RAD54L2: variants seen among roughly 807,000 people sequenced by gnomAD.
RAD54L2 encodes RAD54 like 2.
A neutral mutation model predicts 138.4 loss-of-function variants in RAD54L2; 27 were observed. The observed-to-expected ratio is 0.20, with a 90% confidence interval of 0.14 to 0.27. The LOEUF (loss-of-function observed/expected upper bound fraction) is 0.27, where lower values mean the gene tolerates loss of function less well. Ranked by LOEUF, RAD54L2 falls within the 10% of genes least tolerant of loss-of-function variation. RAD54L2 has a pLI of 1.00. For missense variants in RAD54L2, 1,396 were observed against 1,890.2 expected, an observed-to-expected ratio of 0.74 and a Z score of 4.85; for synonymous variants, 644 against 723.2, an observed-to-expected ratio of 0.89 and a Z score of 1.76.
chr3:51,643,325 G>A (rs922837046), intron 15 of RAD54L2, among the ~76,000 whole-genome samples: 1 of 152,238 alleles, frequency 6.6e-6, no homozygotes. Context: ...GAGCCACTGT[G>A]CCCGGCCCTA....
chr3:51,622,366 G>C (rs1420968167), intron 3 of RAD54L2, among the ~76,000 whole-genome samples: 1 of 152,124 alleles, frequency 6.6e-6, no homozygotes, highest in Non-Finnish European at 1.5e-5. Flanking sequence ...GAGGCTTTTT[G>C]TAATAGGCCT....
intron 3 of RAD54L2, among the ~76,000 whole-genome samples, chr3:51,597,207 C>T (rs1699981545): frequency 6.8e-6 from 1 of 147,510 alleles, no homozygotes; most frequent in African/African-American, 2.5e-5. Context: ...AAACCTAGGG[C>T]TTTTCTCAAG....
intron 19 of RAD54L2, among the ~76,000 whole-genome samples, chr3:51,648,831 C>T (rs1701353890): frequency 6.6e-6 from 1 of 152,078 alleles, no homozygotes; most frequent in South Asian, 2.1e-4. Context: ...TAGATAAAAC[C>T]ACAAAGATGG....
rs746516690 is a variant in RAD54L2 at position 51,656,145 on chromosome 3, T to C, written c.3201T>C (p.Leu1067=). ...PINYLQRAGV[L]VQKVVTTTDI... is the part of the protein sequence containing the mutation. ...ACTACTTGCAGCGTGCAGGAGTCCT[T>C]GTGCAGAAGGTGGTCACCACGACAG... is the stretch of plus-strand genomic sequence containing the variant. Residue 1067 remains leucine, a synonymous_variant, in exon 20 of 23, where the codon CTT becomes CTC. Transcript: ENST00000684192. 68 of 1,612,466 alleles carry C rather than the reference T, an allele frequency of 4.2e-5. No homozygotes were observed. In the East Asian group the frequency reaches 1.5e-3, roughly 35 times the overall value.
At chr3:51,613,113 T>A (rs1700367230) in intron 3 of RAD54L2, among the ~76,000 whole-genome samples, 1 of 151,984 alleles carries the variant, frequency 6.6e-6, no homozygotes, top group African/African-American at 2.4e-5. Flanking sequence ...CTAATTTTTT[T>A]ATATTTTTAG....
At chr3:51,631,467 T>G (rs1256123264) in intron 7 of RAD54L2, among the ~76,000 whole-genome samples, 2 of 149,438 alleles carry the variant, frequency 1.3e-5, no homozygotes, top group African/African-American at 4.9e-5. Flanking sequence ...GCTCTGTTTC[T>G]CAGGCTGGGA....
chr3:51,639,891 T>G lies in RAD54L2; in HGVS notation c.2123T>G (p.Leu708Arg). The G allele has an allele frequency of 6.2e-7, 1 of 1,604,912 alleles. No individual in the cohort carries two copies. The highest frequency in any genetic ancestry group is 8.5e-7 in the Non-Finnish European group (1 of 1,173,250). The change falls in exon 14 of 23, where the codon CTT becomes CGT. Residue 708 changes from leucine to arginine, a missense_variant. Transcript: ENST00000684192. ...NIVTYEWAKD[L>R]LTNYQTGVLE... ...GTTTCTCTCTTGCAGGCCAAGGACC[T>G]TCTGACTAATTACCAGACTGGAGTC... is the stretch of plus-strand genomic sequence containing the variant.
At chr3:51,556,196 T>C (rs1264873042) in intron 2 of RAD54L2, among the ~76,000 whole-genome samples, 1 of 152,174 alleles carries the variant, frequency 6.6e-6, no homozygotes. Context: ...CCTAGCCTTC[T>C]TCTTTCTGTC....
chr3:51,562,826 G>A (rs1176665519), intron 2 of RAD54L2, among the ~76,000 whole-genome samples: 1 of 151,986 alleles, frequency 6.6e-6, no homozygotes, highest in African/African-American at 2.4e-5. Flanking sequence ...ATTTTGTAGA[G>A]ATGAGGTCTC....
At chr3:51,603,866 T>C (rs536418108) in intron 3 of RAD54L2, among the ~76,000 whole-genome samples, 3 of 151,964 alleles carry the variant, frequency 2.0e-5, no homozygotes, top group Non-Finnish European at 4.4e-5. Flanking sequence ...GGAAAAAATA[T>C]TGTAGGCAAG....
intron 2 of RAD54L2, among the ~76,000 whole-genome samples, chr3:51,572,448 G>T (rs1365096411): frequency 7.4e-6 from 1 of 134,826 alleles, no homozygotes; most frequent in African/African-American, 2.9e-5. Context: ...GTGAGACTCC[G>T]TCTTAAAAAA....
At chr3:51,659,084 A>G (rs1159366395) in intron 21 of RAD54L2, among the ~76,000 whole-genome samples, 1 of 147,290 alleles carries the variant, frequency 6.8e-6, no homozygotes, top group Non-Finnish European at 1.5e-5. Flanking sequence ...TCTTACAAAA[A>G]CCATCCGGCT....
At chr3:51,565,757 G>A (rs1699200948) in intron 2 of RAD54L2, among the ~76,000 whole-genome samples, 1 of 151,914 alleles carries the variant, frequency 6.6e-6, no homozygotes, top group South Asian at 2.1e-4. Flanking sequence ...ACAGGCGTGA[G>A]CCACTGTGTT....
At chr3:51,567,641 C>T (rs1559619515) in intron 2 of RAD54L2, among the ~76,000 whole-genome samples, 1 of 151,974 alleles carries the variant, frequency 6.6e-6, no homozygotes, top group African/African-American at 2.4e-5. Context: ...GACAGGGGTC[C>T]TTTTCATCCT....
intron 22 of RAD54L2, among the ~76,000 whole-genome samples, chr3:51,661,369 G>A (rs1701768486): frequency 6.6e-6 from 1 of 152,134 alleles, no homozygotes; most frequent in African/African-American, 2.4e-5. Context: ...TTCTAGATAT[G>A]TCTTCTTGAA....
chr3:51,627,056 T>TC (rs1700709603), intron 3 of RAD54L2, among the ~76,000 whole-genome samples: 1 of 152,132 alleles, frequency 6.6e-6, no homozygotes. Flanking sequence ...CTTACAAATA[T>TC]CCCTTGAAGC....
intron 7 of RAD54L2, 91 bp downstream of exon 7, chr3:51,631,022 G>T: frequency 3.1e-6 from 4 of 1,291,634 alleles, no homozygotes; most frequent in Non-Finnish European, 4.3e-6. Context: ...CACAGCCTGT[G>T]AAGTACTTGT....
chr3:51,600,297 T>C (rs1700053230), intron 3 of RAD54L2, among the ~76,000 whole-genome samples: 1 of 152,036 alleles, frequency 6.6e-6, no homozygotes, highest in African/African-American at 2.4e-5. Context: ...GGACATATTA[T>C]ATGGAAAAAA....
chr3:51,600,243 C>T (rs1174988431), intron 3 of RAD54L2, among the ~76,000 whole-genome samples: 3 of 152,042 alleles, frequency 2.0e-5, no homozygotes, highest in Admixed American at 6.6e-5. Flanking sequence ...CACCTGGCCC[C>T]AAGTAACTTT....
Sources: allele counts gnomAD v4.1 joint callset (sites outside exome capture counted in the v4.1 genomes callset), GRCh38; gene constraint gnomAD v4.1.1; transcripts MANE v1.5; gene names NCBI Gene and HGNC (gene_info 2026-07-23, HGNC 2026-07-21).